AMPH: variants seen among roughly 807,000 people sequenced by gnomAD.
AMPH encodes the protein amphiphysin.
In AMPH, 49 loss-of-function variants were observed where a neutral mutation model predicts 99.1. The observed-to-expected ratio is 0.49, with a 90% CI of 0.39 to 0.63. The LOEUF is 0.63. AMPH is among the 20% of genes least tolerant of loss of function. The probability of loss-of-function intolerance (pLI) is 0.00; values close to 1 mark genes in which losing one functional copy is unlikely to be tolerated. For synonymous variants in AMPH, 314 were observed against 317.3 expected, an observed-to-expected ratio of 0.99 and a Z score of 0.11; for missense variants, 759 against 863.4, an observed-to-expected ratio of 0.88 and a Z score of 1.52.
intron 1 of AMPH, among the ~76,000 whole-genome samples, chr7:38,630,100 T>C (rs966165789): frequency 2.3e-4 from 35 of 152,118 alleles, no homozygotes; most frequent in African/African-American, 8.4e-4. Flanking sequence ...GGAAATTCAT[T>C]GCCATCCTGA....
At chr7:38,525,770 G>A (rs2129036699) in intron 2 of AMPH, among the ~76,000 whole-genome samples, 1 of 152,216 alleles carries the variant, frequency 6.6e-6, no homozygotes. Flanking sequence ...TTTGGTGTGT[G>A]GCCGTAGTTA....
intron 5 of AMPH, among the ~76,000 whole-genome samples, chr7:38,480,658 C>T (rs558155855): frequency 6.3e-4 from 96 of 152,284 alleles, no homozygotes; most frequent in Non-Finnish European, 1.2e-3. Context: ...CACACCCAGT[C>T]ACTCAAAGTA....
chr7:38,621,057 T>C (rs1003846356), intron 1 of AMPH, among the ~76,000 whole-genome samples: 3 of 152,162 alleles, frequency 2.0e-5, no homozygotes, highest in Non-Finnish European at 2.9e-5. Context: ...AGTTCTTATT[T>C]ATGCTCAAGG....
At chr7:38,442,998 CA>C (rs1215048969) in intron 11 of AMPH, among the ~76,000 whole-genome samples, 2 of 151,730 alleles carry the variant, frequency 1.3e-5, no homozygotes, top group Non-Finnish European at 2.9e-5. Flanking sequence ...AGAGAGTGAA[CA>C]AGGATGCAGA....
intron 1 of AMPH, among the ~76,000 whole-genome samples, chr7:38,618,208 A>C (rs1793938217): frequency 6.6e-6 from 1 of 152,170 alleles, no homozygotes; most frequent in African/African-American, 2.4e-5. Flanking sequence ...TTATGATTCT[A>C]TCTGATTTAA....
chr7:38,531,660 C>T (rs1790401963), intron 2 of AMPH, among the ~76,000 whole-genome samples: 1 of 152,040 alleles, frequency 6.6e-6, no homozygotes, highest in African/African-American at 2.4e-5. Context: ...TAACTGAGCC[C>T]CCATAAATGT....
At chr7:38,492,692 C>G (rs993091447) in intron 4 of AMPH, among the ~76,000 whole-genome samples, 25 of 152,184 alleles carry the variant, frequency 1.6e-4, no homozygotes, top group African/African-American at 5.6e-4. Flanking sequence ...GCATGTGCAA[C>G]TGAGGATTCC....
Position 38,384,784 on chromosome 7 carries a change from C to G in AMPH, c.*34G>C. 1 of 1,567,080 alleles carries G rather than the reference C, an allele frequency of 6.4e-7. No homozygotes were observed. On this transcript the variant is annotated 3_prime_UTR_variant, in exon 21 of 21. Coordinates refer to ENST00000356264, the MANE Select transcript of AMPH (RefSeq NM_001635.4). Reference sequence around the variant, plus strand: ...GGTTTTCATGAAGGTTTAAAAACCCCGTAACTGAGCTCCTTCTTGCAGTAC... The same window carrying G: ...GGTTTTCATGAAGGTTTAAAAACCCGGTAACTGAGCTCCTTCTTGCAGTAC...
intron 2 of AMPH, among the ~76,000 whole-genome samples, chr7:38,515,377 A>G (rs934466837): frequency 1.8e-4 from 27 of 152,144 alleles, no homozygotes; most frequent in African/African-American, 6.0e-4. Flanking sequence ...GTGACTTCTC[A>G]TGAGATCTGA....
At chr7:38,403,807 T>C (rs149847396) in intron 17 of AMPH, among the ~76,000 whole-genome samples, 173 of 152,302 alleles carry the variant, frequency 1.1e-3, no homozygotes, top group Non-Finnish European at 1.8e-3. Flanking sequence ...CCACCCACCA[T>C]TGTGGATGCA....
At chr7:38,546,175 T>C (rs1289910969) in intron 1 of AMPH, among the ~76,000 whole-genome samples, 1 of 152,220 alleles carries the variant, frequency 6.6e-6, no homozygotes, top group Non-Finnish European at 1.5e-5. Flanking sequence ...ATGCTGCCCC[T>C]TCTGGCTATC....
chr7:38,577,969 A>G (rs993562336), intron 1 of AMPH, among the ~76,000 whole-genome samples: 3 of 152,222 alleles, frequency 2.0e-5, no homozygotes, highest in Admixed American at 1.3e-4. Context: ...TTGGAAACAA[A>G]CACGATAGCT....
chr7:38,400,409 A>G (rs1429229712), intron 17 of AMPH, among the ~76,000 whole-genome samples: 1 of 152,204 alleles, frequency 6.6e-6, no homozygotes, highest in African/African-American at 2.4e-5. Flanking sequence ...TGTCTCAATC[A>G]TCTCCTTAGT....
chr7:38,597,680 A>T (rs1420527918), intron 1 of AMPH, among the ~76,000 whole-genome samples: 2 of 152,230 alleles, frequency 1.3e-5, no homozygotes, highest in Non-Finnish European at 2.9e-5. Context: ...ACAGGATGTG[A>T]CATTAATGTC....
At chr7:38,479,678 T>C (rs992343121) in intron 5 of AMPH, among the ~76,000 whole-genome samples, 15 of 151,982 alleles carry the variant, frequency 9.9e-5, no homozygotes, top group African/African-American at 3.1e-4. Context: ...CATGAAGTAA[T>C]ACATCATTTC....
intron 1 of AMPH, among the ~76,000 whole-genome samples, chr7:38,540,833 G>A (rs1354638895): frequency 6.6e-6 from 1 of 151,342 alleles, no homozygotes; most frequent in Non-Finnish European, 1.5e-5. Flanking sequence ...AATGATGGCA[G>A]GGTTGGCCAC....
intron 1 of AMPH, among the ~76,000 whole-genome samples, chr7:38,549,985 C>T (rs1011583157): frequency 6.6e-6 from 1 of 152,180 alleles, no homozygotes; most frequent in Non-Finnish European, 1.5e-5. Context: ...TAATTTACAA[C>T]ACTTAATATT....
intron 5 of AMPH, among the ~76,000 whole-genome samples, chr7:38,487,488 G>A (rs892438911): frequency 8.6e-5 from 13 of 152,028 alleles, no homozygotes; most frequent in African/African-American, 3.1e-4. Flanking sequence ...AACTGAAACT[G>A]GACCCCTTCT....
intron 1 of AMPH, among the ~76,000 whole-genome samples, chr7:38,626,861 AG>A (rs1562869796): frequency 6.6e-6 from 1 of 151,274 alleles, no homozygotes; most frequent in Non-Finnish European, 1.5e-5. Flanking sequence ...AAGTAGGCGA[AG>A]GATATACAGT....
Sources: gnomAD v4.1 joint callset for allele counts (sites outside exome capture counted in the v4.1 genomes callset) on GRCh38, gnomAD v4.1.1 for gene constraint, MANE v1.5 for transcripts, NCBI Gene and HGNC (gene_info 2026-07-23, HGNC 2026-07-21) for gene names.